Variants in DMD observed in about 807,000 individuals in gnomAD.
DMD encodes dystrophin, also known as mutant dystrophin.
A neutral mutation model predicts 330.1 loss-of-function variants in DMD; 63 were observed. The ratio of observed to expected loss-of-function variants is 0.19; its 90% CI spans 0.16 to 0.24. The LOEUF (loss-of-function observed/expected upper bound fraction) is 0.24, where lower values mean the gene tolerates loss of function less well. DMD is among the 10% of genes least tolerant of loss of function. DMD has a pLI of 1.00. For synonymous variants in DMD, 1,223 were observed against 959.8 expected (o/e 1.27, Z -5.07); for missense variants, 3,344 against 2,684.1 (o/e 1.25, Z -5.43).
intron 1 of DMD, among the ~76,000 whole-genome samples, chrX:33,119,556 G>C (rs1253768194): frequency 1.8e-5 from 2 of 112,393 alleles, no homozygotes; most frequent in Non-Finnish European, 3.7e-5. Context: ...GCAGTACAGA[G>C]ACTGGCATTT....
intron 1 of DMD, among the ~76,000 whole-genome samples, chrX:33,068,076 C>G (rs935386223): frequency 4.5e-5 from 5 of 111,618 alleles, no homozygotes; most frequent in African/African-American, 1.3e-4. Context: ...GTTACAATTT[C>G]GAGAAAGAAT....
intron 7 of DMD, among the ~76,000 whole-genome samples, chrX:32,790,846 C>T (rs1431448323): frequency 2.7e-5 from 3 of 111,577 alleles, no homozygotes; most frequent in Non-Finnish European, 5.7e-5. Context: ...AGCAGGGCCA[C>T]AGTGTAGCCA....
intron 67 of DMD, among the ~76,000 whole-genome samples, chrX:31,183,304 A>AT (rs199923943): frequency 0.026 from 2,826 of 108,782 alleles, 45 homozygotes; most frequent in Admixed American, 0.046. Flanking sequence ...GGGACAACTG[A>AT]TTTTTTTTTC....
intron 57 of DMD, among the ~76,000 whole-genome samples, chrX:31,483,184 C>T (rs2068486177): frequency 9.3e-6 from 1 of 107,365 alleles, no homozygotes; most frequent in Non-Finnish European, 1.9e-5. Flanking sequence ...GTAGCTGGGA[C>T]TACAGGCGCC....
chrX:32,543,413 C>T (rs1478886750), intron 17 of DMD, among the ~76,000 whole-genome samples: 2 of 110,451 alleles, frequency 1.8e-5, no homozygotes, highest in African/African-American at 6.6e-5. Context: ...CATGAATCAG[C>T]TTGCTCTGTT....
chrX:31,253,144 T>C (rs2049576490), intron 63 of DMD, among the ~76,000 whole-genome samples: 1 of 112,180 alleles, frequency 8.9e-6, no homozygotes, highest in Admixed American at 9.5e-5. Context: ...AGTCATTTAA[T>C]GATGAAAGAT....
In DMD at chrX:32,310,189, T is replaced by C; in HGVS notation, c.6010A>G (p.Ile2004Val). The C allele has an allele frequency of 8.3e-7, 1 of 1,208,695 alleles. No individual in the cohort carries two copies. Among genetic ancestry groups the C allele is most frequent in the East Asian group, 3.0e-5 (1 of 33,723 alleles). ...AATAGGGCTTGTGAGACATGAGTGA[T>C]TTCAGTCAAATAAGTAGAAGGCACA... ...SYVPSTYLTE[I>V]THVSQALLEV... is the part of the protein sequence containing the mutation. The change falls in exon 42 of 79, where the codon ATC becomes GTC. Residue 2004 changes from isoleucine to valine, a missense_variant. Transcript: ENST00000357033.
intron 48 of DMD, among the ~76,000 whole-genome samples, chrX:31,843,566 A>G (rs1227951726): frequency 9.0e-5 from 10 of 111,393 alleles, no homozygotes; most frequent in Admixed American, 8.6e-4. Flanking sequence ...ACATGGGGTT[A>G]TCTGCGTTTT....
chrX:31,847,537 C>T lies in DMD; in HGVS notation c.7099-10718G>A, dbSNP rs1042702440. On this transcript the variant is annotated intron_variant, in intron 48 of 78. Coordinates refer to ENST00000357033, the MANE Select transcript of DMD (RefSeq NM_004006.3). Reference sequence around the variant, plus strand: ...TCCAATTAACTTCACTGAAAATATTCTTTCGTACATATTTTCTTCAGTGAG... The same window carrying T: ...TCCAATTAACTTCACTGAAAATATTTTTTCGTACATATTTTCTTCAGTGAG... Among the ~76,000 whole-genome samples, 3 of 111,617 alleles carry T rather than the reference C, an allele frequency of 2.7e-5. 1 individual carries two copies. In the East Asian group the frequency reaches 8.4e-4, roughly 31 times the overall value.
In DMD at chrX:32,941,192, A is replaced by T. The variant is rs138337787; in HGVS notation, c.93+78947T>A. Among the ~76,000 whole-genome samples, 1,167 of 112,042 alleles carry T rather than the reference A, an allele frequency of 0.01. 49 individuals are homozygous for T. In the East Asian group the frequency reaches 0.17, roughly 16 times the overall value. ...CGCAGAGAAAAGGGAATGCTTATAC[A>T]CTGTTGGTGGGAATGTAAATTAGTT... On this transcript the variant is annotated intron_variant, in intron 2 of 78. Transcript: ENST00000357033.
intron 49 of DMD, among the ~76,000 whole-genome samples, chrX:31,829,247 G>A (rs2092963155): frequency 9.0e-6 from 1 of 110,519 alleles, no homozygotes; most frequent in Non-Finnish European, 1.9e-5. Context: ...AGTGAGGTAA[G>A]GGATAAAAGA....
At chrX:31,538,734 C>T (rs1260236165) in intron 55 of DMD, among the ~76,000 whole-genome samples, 2 of 110,847 alleles carry the variant, frequency 1.8e-5, no homozygotes, top group African/African-American at 6.6e-5. Context: ...TCTTATATAT[C>T]GTAAATCTAG....
At chrX:33,096,138 C>G (rs1330566457) in intron 1 of DMD, among the ~76,000 whole-genome samples, 2 of 109,311 alleles carry the variant, frequency 1.8e-5, no homozygotes, top group Admixed American at 2.0e-4. Context: ...CCACGCCCGG[C>G]TAACTTTTTG....
chrX:32,500,979 T>C (rs1440479416), intron 19 of DMD, among the ~76,000 whole-genome samples: 2 of 112,100 alleles, frequency 1.8e-5, no homozygotes, highest in Non-Finnish European at 3.8e-5. Context: ...TGTAAACGTC[T>C]TCTACAAAAT....
rs1169985711 is a variant in DMD, at chrX:32,472,234, G to A, written c.2879C>T (p.Thr960Ile). ...ACTAAGTTGAGGTATGGAGAGTTTG[G>A]TTTCTGACTGCTGGACCCATGTCCT... is the stretch of plus-strand genomic sequence containing the variant. ...AIRTWVQQSETKLSIPQLSVT... is the reference protein window; with the variant it reads ...AIRTWVQQSEIKLSIPQLSVT... The change falls in exon 22 of 79, where the codon ACC (threonine) becomes ATC (isoleucine). Residue 960 changes from threonine to isoleucine, a missense_variant. Thr to Ile is a moderately conservative substitution (Grantham distance 89). Coordinates refer to ENST00000357033, the MANE Select transcript of DMD (RefSeq NM_004006.3). The A allele has an allele frequency of 5.0e-6, 6 of 1,210,498 alleles. No individual in the cohort carries two copies. The East Asian group carries it at 1.8e-4, about 36-fold the overall frequency.
chrX:32,594,770 A>T (rs2055331189), intron 13 of DMD, among the ~76,000 whole-genome samples: 2 of 111,725 alleles, frequency 1.8e-5, no homozygotes, highest in Admixed American at 1.9e-4. Flanking sequence ...AAACTAGGTA[A>T]GACAAGATTA....
rs1201402428 is a variant in DMD, at chrX:32,879,018, CAA to C, written c.94-29200_94-29199del. Among the ~76,000 whole-genome samples the C allele has an allele frequency of 2.1e-3, 203 of 95,350 alleles. 7 individuals carry two copies. The highest frequency in any genetic ancestry group is 3.6e-3 in the Non-Finnish European group (168 of 47,167). 82.8% of individuals were successfully genotyped at this position (95,350 alleles called of 115,157 possible). A position where few individuals can be genotyped will look rare whatever the true frequency, so the allele number is the denominator to read the frequency against. ...CCAAGACTACGTCTCAAAAAAAAAA[CAA>C]AAAACAAAAAACAAACAAAAAAAAA... On this transcript the variant is annotated intron_variant, in intron 2 of 78. Coordinates refer to ENST00000357033, the MANE Select transcript of DMD (RefSeq NM_004006.3).
At chrX:31,614,099 C>T (rs62587324) in intron 55 of DMD, among the ~76,000 whole-genome samples, 4,819 of 112,155 alleles carry the variant, frequency 0.043, 175 homozygotes, top group Admixed American at 0.16. Flanking sequence ...CTGCATTGCA[C>T]AGCCATTTTC....
chrX:32,949,310 A>G (rs1001976865), intron 2 of DMD, among the ~76,000 whole-genome samples: 203 of 106,053 alleles, frequency 1.9e-3, no homozygotes, highest in Non-Finnish European at 3.4e-3. Flanking sequence ...AATATATTAG[A>G]TGATAGATAG....
Sources: gnomAD v4.1 joint callset for allele counts (sites outside exome capture counted in the v4.1 genomes callset) on GRCh38, gnomAD v4.1.1 for gene constraint, MANE v1.5 for transcripts, NCBI Gene and HGNC (gene_info 2026-07-23, HGNC 2026-07-21) for gene names.